Variants in NSF observed in about 807,000 individuals in gnomAD.
NSF encodes the protein vesicle-fusing ATPase.
A neutral mutation model predicts 50.3 loss-of-function variants in NSF; 14 were observed. That is an observed-to-expected ratio of 0.28 (90% CI 0.18 to 0.44). The LOEUF (loss-of-function observed/expected upper bound fraction) is 0.44. Ranked by LOEUF, NSF falls within the 20% of genes least tolerant of loss-of-function variation. The probability of loss-of-function intolerance (pLI) is 1.00; values close to 1 mark genes in which losing one functional copy is unlikely to be tolerated. For synonymous variants in NSF, 109 were observed against 175.7 expected, an observed-to-expected ratio of 0.62 and a Z score of 3.00; for missense variants, 218 against 504.3, an observed-to-expected ratio of 0.43 and a Z score of 5.44.
intron 13 of NSF, among the ~76,000 whole-genome samples, chr17:46,708,616 C>G (rs1440431292): frequency 6.8e-6 from 1 of 147,302 alleles, no homozygotes; most frequent in Non-Finnish European, 1.5e-5. Flanking sequence ...CTCAGCCTCC[C>G]CAGTAGCTGG....
At chr17:46,737,003 G>A (rs2059012843) in intron 17 of NSF, among the ~76,000 whole-genome samples, 2 of 152,220 alleles carry the variant, frequency 1.3e-5, no homozygotes. Context: ...ATTGAAAGGA[G>A]ATCGGAAGTT....
chr17:46,631,084 A>ACACACACG (rs1568018515), intron 4 of NSF, among the ~76,000 whole-genome samples: 2 of 145,590 alleles, frequency 1.4e-5, no homozygotes, highest in African/African-American at 5.5e-5. Flanking sequence ...ACACACACAC[A>ACACACACG]CACACACACA....
At chr17:46,743,782 T>C (rs934165835) in intron 17 of NSF, among the ~76,000 whole-genome samples, 6 of 152,198 alleles carry the variant, frequency 3.9e-5, no homozygotes, top group African/African-American at 1.4e-4. Flanking sequence ...AACCCTCTTC[T>C]CCATCACAGG....
At chr17:46,725,865 T>G (rs2058884273) in intron 15 of NSF, among the ~76,000 whole-genome samples, 1 of 152,170 alleles carries the variant, frequency 6.6e-6, no homozygotes, top group South Asian at 2.1e-4. Flanking sequence ...AAGGCTAGTC[T>G]CAAGGCCTTG....
At chr17:46,679,279 A>G (rs1158631185) in intron 9 of NSF, among the ~76,000 whole-genome samples, 1 of 146,256 alleles carries the variant, frequency 6.8e-6, no homozygotes, top group Admixed American at 6.8e-5. Context: ...TCATTGAGGC[A>G]TATATTCACA....
intron 17 of NSF, among the ~76,000 whole-genome samples, chr17:46,744,416 T>G (rs1358932705): frequency 6.6e-5 from 10 of 152,224 alleles, no homozygotes; most frequent in Non-Finnish European, 1.5e-4. Flanking sequence ...GTTGCACTTT[T>G]AAACTCACTT....
intron 15 of NSF, 73 bp from the exon 16 acceptor site, chr17:46,726,476 G>GT (rs2058890845): frequency 1.5e-6 from 2 of 1,358,752 alleles, no homozygotes; most frequent in Non-Finnish European, 2.1e-6. Flanking sequence ...TGCTCAAGAA[G>GT]TAACTAAACT....
chr17:46,743,513 T>G (rs570420206), intron 17 of NSF, among the ~76,000 whole-genome samples: 1 of 152,206 alleles, frequency 6.6e-6, no homozygotes, highest in Non-Finnish European at 1.5e-5. Flanking sequence ...AGTTAAATAA[T>G]CTACCCCAAA....
At chr17:46,657,460 T>G (rs1340051136) in intron 8 of NSF, among the ~76,000 whole-genome samples, 5 of 151,676 alleles carry the variant, frequency 3.3e-5, no homozygotes, top group Middle Eastern at 3.4e-3. Context: ...GGTCTTAGTT[T>G]CCTCATTATA....
intron 15 of NSF, among the ~76,000 whole-genome samples, chr17:46,715,481 C>A (rs1243274355): frequency 9.9e-5 from 15 of 152,206 alleles, no homozygotes; most frequent in Admixed American, 7.2e-4. Flanking sequence ...TCTCCTAAAT[C>A]ATCTATTCCT....
chr17:46,752,366 C>T (rs1044944755), intron 19 of NSF, among the ~76,000 whole-genome samples: 1 of 152,180 alleles, frequency 6.6e-6, no homozygotes, highest in African/African-American at 2.4e-5. Flanking sequence ...CTATCAAGCC[C>T]TATGAGTTCA....
rs1229740463 is a variant in NSF at position 46,592,944 on chromosome 17, T to TG, written c.12+2158dup. ...GTAACCCTTTATGTCTCTCTTTTGC[T>TG]GTACCCATGTCCTCTGCCCTATCCC... On this transcript the variant is annotated intron_variant, in intron 1 of 20. Coordinates refer to ENST00000398238, the MANE Select transcript of NSF (RefSeq NM_006178.4). 5.0e-5 allele frequency among the ~76,000 whole-genome samples: 7 copies of TG among 140,200 alleles called. 2 individuals carry two copies. The highest frequency in any genetic ancestry group is 4.9e-4 in the Admixed American group (7 of 14,164). The allele number at this position is 140,200 out of a possible 152,430, so 92.0% of individuals were successfully genotyped here. A position where few individuals can be genotyped will look rare whatever the true frequency, so the allele number is the denominator to read the frequency against.
chr17:46,667,465 T>C (rs1388413545), intron 8 of NSF, among the ~76,000 whole-genome samples: 2 of 144,618 alleles, frequency 1.4e-5, no homozygotes, highest in African/African-American at 5.0e-5. Flanking sequence ...ATTTTCTTTT[T>C]TTTTTTTTTT....
chr17:46,661,416 G>T, intron 8 of NSF, among the ~76,000 whole-genome samples: 1 of 67,206 alleles, frequency 1.5e-5, no homozygotes, highest in African/African-American at 6.2e-5. Flanking sequence ...TTATTTTTGA[G>T]ATGGAGTCTC....
intron 15 of NSF, among the ~76,000 whole-genome samples, chr17:46,716,856 A>T (rs2058776719): frequency 6.6e-6 from 1 of 152,206 alleles, no homozygotes; most frequent in Non-Finnish European, 1.5e-5. Flanking sequence ...AAACATACTG[A>T]TGTAAACTTG....
chr17:46,638,873 A>T (rs958095043), intron 5 of NSF, among the ~76,000 whole-genome samples: 2 of 51,042 alleles, frequency 3.9e-5, no homozygotes, highest in Non-Finnish European at 6.3e-5. Flanking sequence ...TAAGGGACAT[A>T]GTTGAGATAA....
chr17:46,703,720 C>T (rs929098551), intron 12 of NSF, among the ~76,000 whole-genome samples: 11 of 147,470 alleles, frequency 7.5e-5, no homozygotes, highest in African/African-American at 2.3e-4. Flanking sequence ...AACAGAAAAC[C>T]ATAAAATTTA....
At chr17:46,722,103 C>T (rs2058836837) in intron 15 of NSF, 2 of 1,611,570 alleles carry the variant, frequency 1.2e-6, no homozygotes, top group Middle Eastern at 2.3e-4. Flanking sequence ...TGGGAGATGG[C>T]CGGACTCGAA....
intron 14 of NSF, among the ~76,000 whole-genome samples, chr17:46,712,346 A>C (rs2058727722): frequency 6.6e-6 from 1 of 152,168 alleles, no homozygotes; most frequent in Admixed American, 6.6e-5. Flanking sequence ...TCAGTCCTCC[A>C]AGGGTAGATG....
Sources: gnomAD v4.1 joint callset for allele counts (sites outside exome capture counted in the v4.1 genomes callset) on GRCh38, gnomAD v4.1.1 for gene constraint, MANE v1.5 for transcripts, NCBI Gene and HGNC (gene_info 2026-07-23, HGNC 2026-07-21) for gene names.